Variants in FOXP1 observed in about 807,000 individuals in gnomAD.
The protein encoded by FOXP1 is forkhead box P1.
In FOXP1, 15 loss-of-function variants were observed where a neutral mutation model predicts 98.2. That is an observed-to-expected ratio of 0.15 (90% CI 0.10 to 0.24). The LOEUF is 0.24. Ranked by LOEUF, FOXP1 falls within the 10% of genes least tolerant of loss-of-function variation. The pLI is 1.00. For missense variants in FOXP1, 633 were observed against 848.5 expected (o/e 0.75, Z 3.15); for synonymous variants, 371 against 314.5 (o/e 1.18, Z -1.90).
chr3:71,044,977 T>C (rs2048829054), intron 10 of FOXP1, among the ~76,000 whole-genome samples: 2 of 152,298 alleles, frequency 1.3e-5, no homozygotes, highest in East Asian at 3.9e-4. Flanking sequence ...AAAAATTGTG[T>C]TCTAGTCCAA....
chr3:71,121,650 C>G (rs576891541), intron 6 of FOXP1, among the ~76,000 whole-genome samples: 1 of 152,208 alleles, frequency 6.6e-6, no homozygotes, highest in Non-Finnish European at 1.5e-5. Context: ...AAGCAGTGCC[C>G]AAGCCTGAGC....
intron 5 of FOXP1, among the ~76,000 whole-genome samples, chr3:71,258,108 C>G (rs564606790): frequency 6.6e-6 from 1 of 152,304 alleles, no homozygotes; most frequent in South Asian, 2.1e-4. Context: ...TAGGTTCTTA[C>G]CTTCAGGCAA....
intron 6 of FOXP1, among the ~76,000 whole-genome samples, chr3:71,153,962 T>C (rs1455177098): frequency 6.6e-6 from 1 of 152,222 alleles, no homozygotes. Context: ...ATAGTGATTA[T>C]GTACAATTGA....
intron 7 of FOXP1, among the ~76,000 whole-genome samples, chr3:71,095,688 G>A (rs1197959582): frequency 6.6e-6 from 1 of 152,196 alleles, no homozygotes; most frequent in Non-Finnish European, 1.5e-5. Flanking sequence ...GTGACACTGA[G>A]ACATGGGCCA....
chr3:71,506,838 G>A (rs551354618), intron 2 of FOXP1, among the ~76,000 whole-genome samples: 1 of 152,330 alleles, frequency 6.6e-6, no homozygotes, highest in African/African-American at 2.4e-5. Context: ...CCATAGAGTA[G>A]CCTTGTAATT....
intron 3 of FOXP1, among the ~76,000 whole-genome samples, chr3:71,408,691 A>G (rs1280168599): frequency 6.6e-6 from 1 of 152,202 alleles, no homozygotes; most frequent in Non-Finnish European, 1.5e-5. Flanking sequence ...TCTCTTTTTC[A>G]CAGCATAAAG....
At chr3:71,056,064 T>C (rs1181743261) in intron 7 of FOXP1, among the ~76,000 whole-genome samples, 2 of 152,194 alleles carry the variant, frequency 1.3e-5, no homozygotes, top group Non-Finnish European at 2.9e-5. Context: ...TTGGGGGCGA[T>C]GGAAATGTCC....
intron 6 of FOXP1, among the ~76,000 whole-genome samples, chr3:71,184,356 G>A (rs1239783741): frequency 3.3e-5 from 5 of 152,112 alleles, no homozygotes; most frequent in Non-Finnish European, 7.3e-5. Flanking sequence ...GCCCTATAAG[G>A]GGTTGTCTGT....
At chr3:71,032,063 T>G (rs771437718) in intron 11 of FOXP1, among the ~76,000 whole-genome samples, 2 of 152,218 alleles carry the variant, frequency 1.3e-5, no homozygotes, top group African/African-American at 4.8e-5. Flanking sequence ...AGATCTACAA[T>G]AAAACAAACT....
intron 13 of FOXP1, among the ~76,000 whole-genome samples, chr3:70,991,536 C>T (rs971801086): frequency 6.6e-6 from 1 of 152,132 alleles, no homozygotes. Context: ...TTTAACATCA[C>T]CATTTTCTAT....
chr3:71,057,713 T>G (rs2050876784), intron 7 of FOXP1, among the ~76,000 whole-genome samples: 1 of 152,098 alleles, frequency 6.6e-6, no homozygotes, highest in South Asian at 2.1e-4. Context: ...CAGTGGAGTT[T>G]CAAGAGGAAA....
chr3:71,079,558 G>C (rs2054191366), intron 7 of FOXP1, among the ~76,000 whole-genome samples: 2 of 152,114 alleles, frequency 1.3e-5, no homozygotes, highest in South Asian at 4.2e-4. Context: ...GAGATATTGT[G>C]ATCAGTTTTC....
chr3:71,174,247 G>T (rs757889157), intron 6 of FOXP1, among the ~76,000 whole-genome samples: 1 of 152,150 alleles, frequency 6.6e-6, no homozygotes, highest in Non-Finnish European at 1.5e-5. Context: ...GTGGAGGGGG[G>T]AAAAACCCAC....
chr3:71,047,171 A>C, intron 9 of FOXP1, 76 bp from the exon 10 acceptor site: 12 of 1,526,896 alleles, frequency 7.9e-6, no homozygotes, highest in Non-Finnish European at 1.1e-5. Flanking sequence ...TTCAAAACTC[A>C]CCATCATCAT....
chr3:71,412,607 C>T (rs1019415389), intron 3 of FOXP1, among the ~76,000 whole-genome samples: 3 of 152,146 alleles, frequency 2.0e-5, no homozygotes, highest in Non-Finnish European at 4.4e-5. Context: ...TTCTGAACAA[C>T]TCAACATGAT....
chr3:71,568,541 T>C (rs899964914), intron 2 of FOXP1, among the ~76,000 whole-genome samples: 10 of 152,218 alleles, frequency 6.6e-5, no homozygotes, highest in African/African-American at 2.4e-4. Flanking sequence ...GCCATCACCT[T>C]CTTGAAATAC....
intron 19 of FOXP1, among the ~76,000 whole-genome samples, chr3:70,967,710 GTTTT>G (rs756777959): frequency 2.9e-5 from 2 of 68,878 alleles, no homozygotes; most frequent in Admixed American, 2.0e-4. Flanking sequence ...GTTTTTTTTT[GTTTT>G]TTTTTTTTTT....
intron 7 of FOXP1, among the ~76,000 whole-genome samples, chr3:71,064,089 CTTAA>C (rs1249224771): frequency 2.0e-5 from 3 of 152,194 alleles, no homozygotes; most frequent in Non-Finnish European, 2.9e-5. Flanking sequence ...CCGCTCACTA[CTTAA>C]TTAACCAGCC....
At chr3:71,487,287 C>T (rs540529678) in intron 3 of FOXP1, among the ~76,000 whole-genome samples, 4 of 152,186 alleles carry the variant, frequency 2.6e-5, no homozygotes, top group African/African-American at 7.2e-5. Context: ...CTCAAACTCC[C>T]GGCCTCAAGC....
Sources: gnomAD v4.1 joint callset for allele counts (sites outside exome capture counted in the v4.1 genomes callset) on GRCh38, gnomAD v4.1.1 for gene constraint, MANE v1.5 for transcripts, NCBI Gene and HGNC (gene_info 2026-07-23, HGNC 2026-07-21) for gene names.